Variants in GNAL observed in about 807,000 individuals in gnomAD.
GNAL encodes G protein subunit alpha L.
A neutral mutation model predicts 55.1 loss-of-function variants in GNAL; 18 were observed. The observed-to-expected ratio is 0.33, with a 90% CI of 0.23 to 0.48. The LOEUF (loss-of-function observed/expected upper bound fraction) is 0.48. GNAL is among the 20% of genes least tolerant of loss of function. The pLI is 0.99. For missense variants in GNAL, 412 were observed against 614.1 expected (o/e 0.67, Z 3.48); for synonymous variants, 253 against 237.0 (o/e 1.07, Z -0.62).
At chr18:11,768,995 TAATATAGAA>T (rs2033522904) in intron 4 of GNAL, among the ~76,000 whole-genome samples, 1 of 106,836 alleles carries the variant, frequency 9.4e-6, no homozygotes, top group Non-Finnish European at 1.7e-5. Context: ...TTCTATATTA[TAATATAGAA>T]TATATATATT....
chr18:11,875,580 A>ATC (rs1354064729), intron 10 of GNAL, among the ~76,000 whole-genome samples: 2 of 151,976 alleles, frequency 1.3e-5, no homozygotes, highest in Admixed American at 6.6e-5. Context: ...CACCTCCCCC[A>ATC]TCTCTCTCTC....
intron 4 of GNAL, among the ~76,000 whole-genome samples, chr18:11,790,719 C>T (rs1260326901): frequency 2.1e-5 from 3 of 141,666 alleles, no homozygotes; most frequent in Admixed American, 1.6e-4. Context: ...TGCAGTGGCA[C>T]GATCTCGTCT....
At chr18:11,811,575 C>T (rs1421339227) in intron 4 of GNAL, 2 of 152,200 alleles carry the variant, frequency 1.3e-5, no homozygotes, top group African/African-American at 4.8e-5. Flanking sequence ...AATCTATGCT[C>T]AAATTGCCAT....
chr18:11,701,889 T>C (rs2143322266), intron 1 of GNAL, among the ~76,000 whole-genome samples: 1 of 152,252 alleles, frequency 6.6e-6, no homozygotes, highest in East Asian at 1.9e-4. Flanking sequence ...ATTTTGTAGA[T>C]TGCACCATGA....
chr18:11,775,116 T>G (rs549951380), intron 4 of GNAL, among the ~76,000 whole-genome samples: 10 of 152,314 alleles, frequency 6.6e-5, no homozygotes, highest in African/African-American at 2.4e-4. Context: ...AATTCCTGAT[T>G]TACTGAAGAC....
At chr18:11,776,642 A>G (rs1180156283) in intron 4 of GNAL, among the ~76,000 whole-genome samples, 2 of 141,934 alleles carry the variant, frequency 1.4e-5, no homozygotes, top group Admixed American at 1.5e-4. Context: ...CAGGAGTTTG[A>G]GGCTGCAGTG....
At chr18:11,733,539 A>G (rs1339427680) in intron 1 of GNAL, among the ~76,000 whole-genome samples, 3 of 152,200 alleles carry the variant, frequency 2.0e-5, no homozygotes, top group African/African-American at 7.2e-5. Context: ...TTCCAAGTCC[A>G]TCAACGGATG....
At chr18:11,704,104 A>G (rs1320722999) in intron 1 of GNAL, among the ~76,000 whole-genome samples, 1 of 152,212 alleles carries the variant, frequency 6.6e-6, no homozygotes, top group East Asian at 1.9e-4. Flanking sequence ...TATTCAACCC[A>G]CAATACAAAG....
In GNAL at chr18:11,851,956, G is replaced by A; in HGVS notation, c.723-10439G>A. On this transcript the variant is annotated intron_variant, in intron 5 of 11. Coordinates refer to ENST00000334049, the MANE Select transcript of GNAL (RefSeq NM_182978.4). ...GACGCTCACCACTCCCCAGAACCAA[G>A]TGGATATGCTGCTCCAGGAAATGGC... 4 of 1,613,946 alleles carry A rather than the reference G, an allele frequency of 2.5e-6. No individual in the cohort carries two copies. Among genetic ancestry groups the A allele is most frequent in the Non-Finnish European group, 3.4e-6 (4 of 1,179,892 alleles).
At chr18:11,854,954 T>C (rs1225983990) in intron 5 of GNAL, among the ~76,000 whole-genome samples, 1 of 152,160 alleles carries the variant, frequency 6.6e-6, no homozygotes, top group African/African-American at 2.4e-5. Context: ...AGACGGAGTC[T>C]CACTGTCGCC....
Position 11,689,658 on chromosome 18 carries a change from C to A in GNAL, c.95C>A (p.Pro32His). The part of the protein sequence containing the change: ...ASEPPVEDAQ[P>H]APAPALAPVR... Reference sequence around the variant, plus strand: ...GAGCCGCCGGTGGAGGACGCGCAGCCCGCCCCGGCCCCGGCCCTGGCCCCA... The same window carrying A: ...GAGCCGCCGGTGGAGGACGCGCAGCACGCCCCGGCCCCGGCCCTGGCCCCA... The change falls in exon 1 of 12, where the codon CCC becomes CAC. Residue 32 changes from proline (P) to histidine (H), a missense_variant. Pro to His is a moderately conservative substitution (Grantham distance 77). Coordinates refer to ENST00000334049, the MANE Select transcript of GNAL (RefSeq NM_182978.4). 1.4e-6 allele frequency: 2 copies of A among 1,409,932 alleles called. No homozygotes were observed. Among genetic ancestry groups the A allele is most frequent in the Admixed American group, 3.1e-5 (1 of 32,542 alleles). 87.3% of individuals were successfully genotyped at this position (1,409,932 alleles called of 1,614,324 possible). A position where few individuals can be genotyped will look rare whatever the true frequency, so the allele number is the denominator to read the frequency against.
At chr18:11,864,784 TTAAAG>T (rs1264964152) in intron 7 of GNAL, among the ~76,000 whole-genome samples, 178 bp downstream of exon 7, 1 of 152,178 alleles carries the variant, frequency 6.6e-6, no homozygotes, top group Non-Finnish European at 1.5e-5. Context: ...ACTGCCTACT[TTAAAG>T]TAGAAATGAG....
At chr18:11,735,113 C>T (rs4547404) in intron 1 of GNAL, among the ~76,000 whole-genome samples, 2 of 151,138 alleles carry the variant, frequency 1.3e-5, no homozygotes, top group Non-Finnish European at 2.9e-5. Flanking sequence ...TGCAATGGCA[C>T]GATCTTGGCT....
At chr18:11,869,223 A>C (rs887391707) in intron 9 of GNAL, among the ~76,000 whole-genome samples, 8 of 151,916 alleles carry the variant, frequency 5.3e-5, no homozygotes, top group African/African-American at 1.9e-4. Flanking sequence ...GGCCCACTGC[A>C]AGCTCCACCT....
intron 1 of GNAL, 55 bp downstream of exon 1, chr18:11,689,994 C>CG: frequency 9.6e-7 from 1 of 1,037,062 alleles, no homozygotes. Flanking sequence ...GCCGGGCCCG[C>CG]GGGGGCGGCG....
chr18:11,767,049 C>G (rs190601827), intron 4 of GNAL, among the ~76,000 whole-genome samples: 3 of 152,302 alleles, frequency 2.0e-5, no homozygotes, highest in Non-Finnish European at 2.9e-5. Context: ...CATTTTGTCC[C>G]TCCCATACCC....
At chr18:11,759,929 C>T (rs7234970) in intron 4 of GNAL, among the ~76,000 whole-genome samples, 10,274 of 151,988 alleles carry the variant, frequency 0.068, 564 homozygotes, top group African/African-American at 0.15. Context: ...TGAAGCCCAC[C>T]GTGTAAATCA....
intron 5 of GNAL, among the ~76,000 whole-genome samples, chr18:11,861,989 C>CACA (rs1555615384): frequency 6.7e-6 from 1 of 150,204 alleles, no homozygotes; most frequent in Non-Finnish European, 1.5e-5. Context: ...CACACACACA[C>CACA]AACATCTGGA....
intron 5 of GNAL, among the ~76,000 whole-genome samples, chr18:11,837,313 G>C (rs1398862181): frequency 1.3e-5 from 2 of 152,066 alleles, no homozygotes; most frequent in African/African-American, 4.8e-5. Flanking sequence ...AGGTCCTTAT[G>C]ATTCAAGAAA....
Sources: allele counts gnomAD v4.1 joint callset (sites outside exome capture counted in the v4.1 genomes callset), GRCh38; gene constraint gnomAD v4.1.1; transcripts MANE v1.5; gene names NCBI Gene and HGNC (gene_info 2026-07-23, HGNC 2026-07-21).